B3GALT1: variants seen among roughly 807,000 people sequenced by gnomAD.
B3GALT1 encodes the protein beta-1,3-galactosyltransferase 1.
In B3GALT1, 10 loss-of-function variants were observed where a neutral mutation model predicts 23.2. The ratio of observed to expected loss-of-function variants is 0.43; its 90% CI spans 0.27 to 0.73. The LOEUF is 0.73. B3GALT1 is among the 30% of genes least tolerant of loss of function. B3GALT1 has a pLI of 0.21. For missense variants in B3GALT1, 299 were observed against 405.4 expected (o/e 0.74, Z 2.25); for synonymous variants, 156 against 141.5 (o/e 1.10, Z -0.73).
intron 1 of B3GALT1, among the ~76,000 whole-genome samples, chr2:167,303,282 G>T (rs1696481155): frequency 6.6e-6 from 1 of 151,892 alleles, no homozygotes; most frequent in African/African-American, 2.4e-5. Context: ...TTATACAACT[G>T]GTTCCAAAAA....
At chr2:167,445,395 G>T in intron 1 of B3GALT1, among the ~76,000 whole-genome samples, 1 of 152,230 alleles carries the variant, frequency 6.6e-6, no homozygotes. Context: ...TTGGTGCAGA[G>T]CTGAGTTAAA....
intron 3 of B3GALT1, among the ~76,000 whole-genome samples, chr2:167,726,570 T>C (rs190710390): frequency 1.4e-3 from 208 of 152,330 alleles, no homozygotes; most frequent in Admixed American, 4.1e-3. Context: ...CAAAGAACAA[T>C]GTGACTGGAT....
intron 2 of B3GALT1, among the ~76,000 whole-genome samples, chr2:167,497,001 A>C (rs201446463): frequency 6.6e-6 from 1 of 152,186 alleles, no homozygotes; most frequent in Non-Finnish European, 1.5e-5. Context: ...ACATGTATAC[A>C]TATGTAACAA....
intron 4 of B3GALT1, among the ~76,000 whole-genome samples, chr2:167,833,049 G>A (rs1689383766): frequency 6.6e-6 from 1 of 152,166 alleles, no homozygotes; most frequent in Non-Finnish European, 1.5e-5. Context: ...CAGTGTGATT[G>A]GTTTCTTAAG....
intron 2 of B3GALT1, among the ~76,000 whole-genome samples, chr2:167,554,887 A>G (rs927705945): frequency 3.9e-5 from 6 of 152,176 alleles, no homozygotes; most frequent in Non-Finnish European, 8.8e-5. Flanking sequence ...TTTGATCACC[A>G]TAGAAAAGTT....
intron 2 of B3GALT1, among the ~76,000 whole-genome samples, chr2:167,564,887 C>T (rs1432786574): frequency 1.3e-5 from 2 of 152,194 alleles, no homozygotes; most frequent in Non-Finnish European, 2.9e-5. Context: ...ACATTCCATG[C>T]TCATGGGTAG....
chr2:167,548,968 A>G (rs1027758149), intron 2 of B3GALT1, among the ~76,000 whole-genome samples: 1 of 152,106 alleles, frequency 6.6e-6, no homozygotes, highest in African/African-American at 2.4e-5. Context: ...TACAATCCAT[A>G]TATACTCTTA....
chr2:167,598,284 C>G (rs554467757), intron 2 of B3GALT1, among the ~76,000 whole-genome samples: 8 of 151,940 alleles, frequency 5.3e-5, no homozygotes, highest in African/African-American at 1.9e-4. Flanking sequence ...GTGACATGTA[C>G]ACATACATAC....
intron 2 of B3GALT1, among the ~76,000 whole-genome samples, chr2:167,591,341 C>T (rs1367921): frequency 0.74 from 112,450 of 151,888 alleles, 42,093 homozygotes; most frequent in Admixed American, 0.83. Context: ...CAGTAGGCGA[C>T]GAGGTTACAC....
chr2:167,674,191 T>C (rs1242137273), intron 3 of B3GALT1, among the ~76,000 whole-genome samples: 2 of 152,088 alleles, frequency 1.3e-5, no homozygotes, highest in Non-Finnish European at 2.9e-5. Flanking sequence ...CAACTGTGAA[T>C]CAAATATTTT....
intron 2 of B3GALT1, among the ~76,000 whole-genome samples, chr2:167,552,014 T>C (rs948437017): frequency 3.9e-5 from 6 of 152,204 alleles, no homozygotes; most frequent in Non-Finnish European, 7.3e-5. Context: ...TAACGACTTA[T>C]TGTAAGGAGG....
chr2:167,610,412 T>G (rs886436144), intron 2 of B3GALT1, among the ~76,000 whole-genome samples: 2 of 152,064 alleles, frequency 1.3e-5, no homozygotes, highest in Non-Finnish European at 2.9e-5. Context: ...CTTTCTGGAT[T>G]TTTGTTTATA....
rs116556971 is a variant in B3GALT1, at chr2:167,417,556, C to T, written c.-510-72621C>T. 3.5e-3 allele frequency among the ~76,000 whole-genome samples: 530 copies of T among 152,284 alleles called. 5 individuals carry two copies. The highest frequency in any genetic ancestry group is 6.4e-3 in the South Asian group (31 of 4,824). ...AGTGTAGTTATGTCATTTGACCAGA[C>T]TTATGTTAGTCAATTGCCAAGTCAA... On this transcript the variant is annotated intron_variant, in intron 1 of 4. Coordinates refer to ENST00000392690, the MANE Select transcript of B3GALT1 (RefSeq NM_020981.4).
intron 2 of B3GALT1, among the ~76,000 whole-genome samples, chr2:167,540,740 T>A (rs537885510): frequency 3.3e-4 from 50 of 152,350 alleles, no homozygotes; most frequent in African/African-American, 1.2e-3. Flanking sequence ...AATCTACTTT[T>A]ATATTTTATC....
intron 3 of B3GALT1, among the ~76,000 whole-genome samples, chr2:167,658,719 C>T (rs1004357628): frequency 6.6e-6 from 1 of 151,956 alleles, no homozygotes; most frequent in East Asian, 1.9e-4. Context: ...CATTTACTGC[C>T]TCATATCTAC....
rs1304946777 is a variant in B3GALT1 at position 167,681,580 on chromosome 2, C to CAGT, written c.-352+34614_-352+34615insAGT. On this transcript the variant is annotated intron_variant, in intron 3 of 4. Coordinates refer to ENST00000392690, the MANE Select transcript of B3GALT1 (RefSeq NM_020981.4). ...GTGTAAAAATATAGCAAGAAGACAA[C>CAGT]TGATTTCAGTGGTTGATTTACATAT... 2.0e-5 allele frequency among the ~76,000 whole-genome samples: 3 copies of CAGT among 152,314 alleles called. No homozygotes were observed. The East Asian group carries it at 5.8e-4, about 29-fold the overall frequency.
At chr2:167,846,955 A>G (rs1236413423) in intron 4 of B3GALT1, among the ~76,000 whole-genome samples, 2 of 152,246 alleles carry the variant, frequency 1.3e-5, no homozygotes, top group Non-Finnish European at 2.9e-5. Flanking sequence ...AGGACTAGCT[A>G]TTCTTATATC....
At chr2:167,604,058 G>T (rs1476611519) in intron 2 of B3GALT1, among the ~76,000 whole-genome samples, 1 of 151,984 alleles carries the variant, frequency 6.6e-6, no homozygotes, top group Non-Finnish European at 1.5e-5. Flanking sequence ...TGTCTAAGAA[G>T]AAATTTCCTG....
At chr2:167,604,532 C>A (rs1490351608) in intron 2 of B3GALT1, among the ~76,000 whole-genome samples, 1 of 152,148 alleles carries the variant, frequency 6.6e-6, no homozygotes, top group Non-Finnish European at 1.5e-5. Context: ...CATTTGTAAC[C>A]TGCAATACCG....
Sources: gnomAD v4.1 joint callset for allele counts (sites outside exome capture counted in the v4.1 genomes callset) on GRCh38, gnomAD v4.1.1 for gene constraint, MANE v1.5 for transcripts, NCBI Gene and HGNC (gene_info 2026-07-23, HGNC 2026-07-21) for gene names.